The following PTPRD variants were observed in gnomAD, a reference collection of about 807,000 sequenced individuals.
The protein encoded by PTPRD is protein tyrosine phosphatase receptor type D, also known as receptor-type tyrosine-protein phosphatase delta.
A neutral mutation model predicts 214.5 loss-of-function variants in PTPRD; 34 were observed. The observed-to-expected ratio is 0.16, with a 90% confidence interval of 0.12 to 0.21. PTPRD has a LOEUF of 0.21. Among genes scored for constraint, PTPRD ranks in the 10% least tolerant of loss-of-function variants. PTPRD has a pLI of 1.00. For synonymous variants in PTPRD, 1,128 were observed against 845.7 expected (o/e 1.33, Z -5.79); for missense variants, 2,545 against 2,398.7 (o/e 1.06, Z -1.27).
chr9:8,505,025 G>A (rs1038890817), intron 22 of PTPRD, among the ~76,000 whole-genome samples: 3 of 152,154 alleles, frequency 2.0e-5, no homozygotes, highest in African/African-American at 4.8e-5. Context: ...ACCCTAGGTT[G>A]ATCTAAAATA....
chr9:8,335,383 G>C (rs920771299), intron 43 of PTPRD, among the ~76,000 whole-genome samples: 2 of 152,022 alleles, frequency 1.3e-5, no homozygotes, highest in Non-Finnish European at 2.9e-5. Context: ...CAGAACCAAT[G>C]ACAAAAACCA....
chr9:10,524,085 C>A (rs7851790), intron 2 of PTPRD, among the ~76,000 whole-genome samples: 4,541 of 152,062 alleles, frequency 0.03, 114 homozygotes, highest in East Asian at 0.093. Context: ...TTCCTTGGTA[C>A]ACGCACAGAT....
intron 7 of PTPRD, among the ~76,000 whole-genome samples, chr9:9,726,015 T>C (rs1226090279): frequency 6.6e-6 from 1 of 152,190 alleles, no homozygotes; most frequent in Non-Finnish European, 1.5e-5. Flanking sequence ...TACATGGCTA[T>C]GAATGTTTGA....
intron 10 of PTPRD, among the ~76,000 whole-genome samples, chr9:9,093,607 A>G (rs1041021746): frequency 1.3e-5 from 2 of 151,900 alleles, no homozygotes; most frequent in Non-Finnish European, 1.5e-5. Context: ...GGCAAGTCAC[A>G]TGGGAAATTA....
chr9:9,370,525 G>A (rs1324599292), intron 9 of PTPRD, among the ~76,000 whole-genome samples: 3 of 151,162 alleles, frequency 2.0e-5, no homozygotes, highest in Non-Finnish European at 2.9e-5. Flanking sequence ...AGATGATGGG[G>A]TTTTCTAGAT....
At chr9:8,383,483 C>T (rs558140373) in intron 37 of PTPRD, among the ~76,000 whole-genome samples, 255 of 152,302 alleles carry the variant, frequency 1.7e-3, no homozygotes, top group African/African-American at 5.9e-3. Context: ...TTTTCCCATT[C>T]TTTGGCCTAA....
chr9:9,333,218 A>G (rs2042995913), intron 9 of PTPRD, among the ~76,000 whole-genome samples: 1 of 151,864 alleles, frequency 6.6e-6, no homozygotes, highest in Non-Finnish European at 1.5e-5. Flanking sequence ...GGCTGAAATA[A>G]TAAGAAAAGG....
chr9:10,077,678 G>C (rs766930149), intron 3 of PTPRD, among the ~76,000 whole-genome samples: 2 of 152,046 alleles, frequency 1.3e-5, no homozygotes, highest in African/African-American at 2.4e-5. Context: ...ACCCATGTCT[G>C]TTGTTCCCTT....
At chr9:10,261,351 A>T (rs1338571542) in intron 3 of PTPRD, among the ~76,000 whole-genome samples, 1 of 152,046 alleles carries the variant, frequency 6.6e-6, no homozygotes, top group Non-Finnish European at 1.5e-5. Flanking sequence ...TAATATCTCA[A>T]TGACTGGCAT....
At chr9:9,911,280 C>A (rs762607793) in intron 5 of PTPRD, among the ~76,000 whole-genome samples, 1 of 152,036 alleles carries the variant, frequency 6.6e-6, no homozygotes, top group Non-Finnish European at 1.5e-5. Context: ...TGCATTGTGA[C>A]ACTTCTTATA....
intron 8 of PTPRD, among the ~76,000 whole-genome samples, chr9:9,515,010 T>C (rs1463993134): frequency 6.6e-6 from 1 of 152,116 alleles, no homozygotes; most frequent in Non-Finnish European, 1.5e-5. Flanking sequence ...AACCATTTTA[T>C]CATTTCTTGA....
chr9:9,449,533 C>G (rs936084207), intron 8 of PTPRD, among the ~76,000 whole-genome samples: 2 of 151,922 alleles, frequency 1.3e-5, no homozygotes, highest in Non-Finnish European at 2.9e-5. Flanking sequence ...TGATGGAGTA[C>G]AGCCTCTGTG....
chr9:9,032,710 A>G (rs1258212193), intron 10 of PTPRD, among the ~76,000 whole-genome samples: 1 of 152,126 alleles, frequency 6.6e-6, no homozygotes, highest in African/African-American at 2.4e-5. Flanking sequence ...CAAGGTTTGC[A>G]TCCCGGCTCT....
chr9:8,711,660 A>T (rs1479598907), intron 12 of PTPRD, among the ~76,000 whole-genome samples: 1 of 152,170 alleles, frequency 6.6e-6, no homozygotes, highest in Non-Finnish European at 1.5e-5. Context: ...CCCAGACCCC[A>T]TCTACAGAGA....
intron 3 of PTPRD, among the ~76,000 whole-genome samples, chr9:10,110,686 C>CT (rs1308939737): frequency 3.9e-5 from 6 of 152,176 alleles, no homozygotes; most frequent in African/African-American, 1.4e-4. Context: ...ACTGACTGGG[C>CT]ATTGGCCTAT....
intron 7 of PTPRD, among the ~76,000 whole-genome samples, chr9:9,611,601 A>G (rs1175663463): frequency 1.3e-5 from 2 of 152,046 alleles, no homozygotes; most frequent in Non-Finnish European, 2.9e-5. Flanking sequence ...ATGCTAAATA[A>G]TGTTATTCAT....
At chr9:8,977,890 A>C (rs567383401) in intron 11 of PTPRD, among the ~76,000 whole-genome samples, 5 of 152,248 alleles carry the variant, frequency 3.3e-5, no homozygotes, top group African/African-American at 1.2e-4. Context: ...CAGGTCTTAC[A>C]GAGAAAGGTG....
chr9:9,778,760 C>T (rs1222629876), intron 5 of PTPRD, among the ~76,000 whole-genome samples: 1 of 152,058 alleles, frequency 6.6e-6, no homozygotes, highest in African/African-American at 2.4e-5. Context: ...CTGACCTAGG[C>T]CATGTTCTGG....
chr9:9,463,170 T>C (rs1001989411), intron 8 of PTPRD, among the ~76,000 whole-genome samples: 2 of 152,104 alleles, frequency 1.3e-5, no homozygotes, highest in African/African-American at 4.8e-5. Flanking sequence ...GCTCTCCCAG[T>C]TGTGAGGTCA....
Sources: allele counts gnomAD v4.1 joint callset (sites outside exome capture counted in the v4.1 genomes callset), GRCh38; gene constraint gnomAD v4.1.1; transcripts MANE v1.5; gene names NCBI Gene and HGNC (gene_info 2026-07-23, HGNC 2026-07-21).